The following CAP1 variants were observed in gnomAD, a reference collection of about 807,000 sequenced individuals.
CAP1 encodes the protein cyclase associated actin cytoskeleton regulatory protein 1.
A neutral mutation model predicts 58.2 loss-of-function variants in CAP1; 11 were observed. That is an observed-to-expected ratio of 0.19 (90% CI 0.12 to 0.31). The LOEUF (loss-of-function observed/expected upper bound fraction) is 0.31. Among genes scored for constraint, CAP1 ranks in the 10% least tolerant of loss-of-function variants. The pLI, the probability that CAP1 is intolerant of heterozygous loss-of-function variation, is 1.00. For synonymous variants in CAP1, 183 were observed against 213.8 expected, an observed-to-expected ratio of 0.86 and a Z score of 1.26; for missense variants, 423 against 587.5, an observed-to-expected ratio of 0.72 and a Z score of 2.89.
At chr1:40,070,711 G>A (rs1638831892) in intron 11 of CAP1, 125 bp from the exon 12 acceptor site, 23 of 849,914 alleles carry the variant, frequency 2.7e-5, no homozygotes, top group Non-Finnish European at 3.9e-5. Context: ...CGAGTATCCA[G>A]TGTCTTGCGC....
In CAP1 at chr1:40,061,698, T is replaced by A. The variant is rs201606614; in HGVS notation, c.217-37T>A. The A allele has an allele frequency of 6.2e-4, 961 of 1,554,366 alleles. 6 individuals carry two copies. In the African/African-American group the frequency reaches 0.012, roughly 19 times the overall value. The stretch of plus-strand genomic sequence containing the variant: ...ATTCTTATCAAGACTTCTCTAGTTA[T>A]AATGTGTCATCAATAGCTGATTCTT... On this transcript the variant is annotated intron_variant, in intron 3 of 12. Coordinates refer to ENST00000372805, the MANE Select transcript of CAP1 (RefSeq NM_006367.4).
intron 7 of CAP1, 92 bp downstream of exon 7, chr1:40,066,412 G>A (rs1293521705): frequency 1.5e-6 from 1 of 675,328 alleles, no homozygotes; most frequent in Non-Finnish European, 2.7e-6. Context: ...CACTACCAAA[G>A]TCTGTGAGGG....
chr1:40,067,617 C>T lies in CAP1; in HGVS notation c.708C>T (p.Cys236=), dbSNP rs1298968023. 3 of 1,560,372 alleles carry T rather than the reference C, an allele frequency of 1.9e-6. No individual in the cohort carries two copies. The highest frequency in any genetic ancestry group is 1.8e-5 in the Admixed American group (1 of 56,140). ...AGSCPPPPPP[C]PPPPPVSTIS... is the part of the protein sequence containing the mutation. The stretch of plus-strand genomic sequence containing the variant: ...CATGTCCTCCTCCCCCTCCACCATG[C>T]CCCCCTCCTCCCCCAGTCTCTACCA... The change falls in exon 8 of 13, where the codon TGC becomes TGT. Residue 236 remains cysteine (C), a synonymous_variant. Coordinates refer to ENST00000372805, the MANE Select transcript of CAP1 (RefSeq NM_006367.4).
chr1:40,050,660 A>G (rs992400722), intron 1 of CAP1, among the ~76,000 whole-genome samples: 3 of 151,988 alleles, frequency 2.0e-5, no homozygotes, highest in Non-Finnish European at 4.4e-5. Flanking sequence ...CTCCATCTCA[A>G]AAAATTACAG....
chr1:40,060,728 C>A (rs947790776), intron 3 of CAP1, among the ~76,000 whole-genome samples: 1 of 125,148 alleles, frequency 8.0e-6, no homozygotes, highest in Admixed American at 1.0e-4. Context: ...GACCCAAAAA[C>A]CTTCCTGCTA....
At chr1:40,054,437 A>G (rs1282359825) in intron 1 of CAP1, among the ~76,000 whole-genome samples, 2 of 152,060 alleles carry the variant, frequency 1.3e-5, no homozygotes, top group African/African-American at 2.4e-5. Flanking sequence ...CGGCCTCCCA[A>G]AGTGCTAGGA....
intron 4 of CAP1, among the ~76,000 whole-genome samples, chr1:40,062,462 G>A (rs138021487): frequency 6.6e-6 from 1 of 152,186 alleles, no homozygotes; most frequent in East Asian, 1.9e-4. Flanking sequence ...AAATATATTA[G>A]ATTCTGGTTA....
rs141291497 is a variant in CAP1, at chr1:40,064,813, G to A, written c.524+254G>A. Reference sequence around the variant, plus strand: ...TGGTCTCTAATGATTCTCCTGCCTTGGTCTCCCCAAAGTGCTGGGATTACA... The same window carrying A: ...TGGTCTCTAATGATTCTCCTGCCTTAGTCTCCCCAAAGTGCTGGGATTACA... On this transcript the variant is annotated intron_variant, in intron 6 of 12. Transcript: ENST00000372805. 1.1e-3 allele frequency among the ~76,000 whole-genome samples: 161 copies of A among 152,150 alleles called. 2 individuals carry two copies. Among genetic ancestry groups the A allele is most frequent in the African/African-American group, 3.4e-3 (141 of 41,510 alleles).
intron 1 of CAP1, among the ~76,000 whole-genome samples, chr1:40,057,252 G>C (rs1054276681): frequency 1.3e-5 from 2 of 152,170 alleles, no homozygotes; most frequent in Non-Finnish European, 2.9e-5. Context: ...GTTCATGGAA[G>C]GTAGCTTAGG....
intron 1 of CAP1, among the ~76,000 whole-genome samples, chr1:40,050,725 C>G (rs1163393898): frequency 1.3e-5 from 2 of 152,070 alleles, no homozygotes; most frequent in African/African-American, 4.8e-5. Flanking sequence ...AGATGAATAA[C>G]AGCTTTTAAC....
chr1:40,067,738 G>A (rs371607418), intron 8 of CAP1, 21 bp downstream of exon 8: 14 of 1,570,056 alleles, frequency 8.9e-6, no homozygotes, highest in Non-Finnish European at 1.1e-5. Flanking sequence ...ACTTGGACAC[G>A]AACAGTAGGT....
Position 40,071,941 on chromosome 1 carries a change from A to G in CAP1, c.*408A>G. 1 of 409,652 alleles carries G rather than the reference A, an allele frequency of 2.4e-6. No individual in the cohort carries two copies. Among genetic ancestry groups the G allele is most frequent in the African/African-American group, 2.0e-5 (1 of 48,966 alleles). 25.4% of individuals were successfully genotyped at this position (409,652 alleles called of 1,614,324 possible). A position where few individuals can be genotyped will look rare whatever the true frequency, so the allele number is the denominator to read the frequency against. ...TTTTTTTAACAATGAGCATGAAGGT[A>G]GCAGAAGCTGGTGTGTTTCCAGATG... On this transcript the variant is annotated 3_prime_UTR_variant, in exon 13 of 13. Transcript: ENST00000372805.
chr1:40,067,118 C>T (rs997058633), intron 7 of CAP1, among the ~76,000 whole-genome samples: 2 of 152,092 alleles, frequency 1.3e-5, no homozygotes, highest in Admixed American at 6.5e-5. Context: ...TTGGAATCCT[C>T]AAAGAAGATT....
At chr1:40,058,142 G>T (rs192692224) in intron 1 of CAP1, among the ~76,000 whole-genome samples, 142 of 152,166 alleles carry the variant, frequency 9.3e-4, no homozygotes, top group Middle Eastern at 3.4e-3. Flanking sequence ...ATTGAATTAG[G>T]CTATTTCAGA....
chr1:40,061,904 C>A, intron 4 of CAP1, 92 bp downstream of exon 4: 2 of 956,300 alleles, frequency 2.1e-6, no homozygotes, highest in South Asian at 2.6e-5. Flanking sequence ...TTAAAATAGA[C>A]CTACTAGGCT....
At chr1:40,071,153 G>C (rs1647905415) in intron 12 of CAP1, among the ~76,000 whole-genome samples, 174 bp downstream of exon 12, 1 of 152,186 alleles carries the variant, frequency 6.6e-6, no homozygotes, top group African/African-American at 2.4e-5. Flanking sequence ...CCAAAGGTAG[G>C]TGCTTTCTGC....
At chr1:40,065,170 T>TGG (rs1284140598) in intron 6 of CAP1, among the ~76,000 whole-genome samples, 2 of 152,226 alleles carry the variant, frequency 1.3e-5, no homozygotes, top group Non-Finnish European at 2.9e-5. Context: ...TTTTGTTCCT[T>TGG]TGTTGAGAAT....
At chr1:40,054,193 CTTTTT>C (rs398052925) in intron 1 of CAP1, among the ~76,000 whole-genome samples, 1 of 136,394 alleles carries the variant, frequency 7.3e-6, no homozygotes, top group African/African-American at 2.7e-5. Context: ...GCCCACTGTT[CTTTTT>C]TTTTTTTTTG....
Position 40,044,788 on chromosome 1 carries a change from CTTTTTTTTTTTTTTT to C in CAP1, c.-11+3999_-11+4013del, listed in dbSNP as rs71060347. Among the ~76,000 whole-genome samples, 726 of 85,282 alleles carry C rather than the reference CTTTTTTTTTTTTTTT, an allele frequency of 8.5e-3. 7 individuals carry two copies. The highest frequency in any genetic ancestry group is 0.016 in the Admixed American group (122 of 7,692). The allele number at this position is 85,282 out of a possible 152,430, so 55.9% of individuals were successfully genotyped here. A position where few individuals can be genotyped will look rare whatever the true frequency, so the allele number is the denominator to read the frequency against. ...AATTGACATTTTGGGCCATATAATTCTTTTTTTTTTTTTTTTTTTTTTTTTTGAGACAGAGTCTCT... is the reference window on the plus strand; with the variant it reads ...AATTGACATTTTGGGCCATATAATTCTTTTTTTTTTTGAGACAGAGTCTCT... On this transcript the variant is annotated intron_variant, in intron 1 of 12. Transcript: ENST00000372805.
Sources: gnomAD v4.1 joint callset for allele counts (sites outside exome capture counted in the v4.1 genomes callset) on GRCh38, gnomAD v4.1.1 for gene constraint, MANE v1.5 for transcripts, NCBI Gene and HGNC (gene_info 2026-07-23, HGNC 2026-07-21) for gene names.